Variants in JCAD observed in about 807,000 individuals in gnomAD.
JCAD encodes the protein junctional cadherin 5-associated protein.
A neutral mutation model predicts 98.0 loss-of-function variants in JCAD; 40 were observed. The ratio of observed to expected loss-of-function variants is 0.41; its 90% confidence interval spans 0.32 to 0.53. The LOEUF is 0.53. Among genes scored for constraint, JCAD ranks in the 20% least tolerant of loss-of-function variants. JCAD has a pLI of 0.31. For synonymous variants in JCAD, 691 were observed against 682.3 expected (o/e 1.01, Z -0.20); for missense variants, 1,705 against 1,738.1 (o/e 0.98, Z 0.34).
chr10:30,081,133 C>A (rs887133218), intron 1 of JCAD, among the ~76,000 whole-genome samples: 1 of 152,178 alleles, frequency 6.6e-6, no homozygotes, highest in Non-Finnish European at 1.5e-5. Context: ...TGAGGTTAAG[C>A]TTAAAAGGCA....
intron 1 of JCAD, among the ~76,000 whole-genome samples, chr10:30,084,024 A>G (rs1838127582): frequency 6.6e-6 from 1 of 151,898 alleles, no homozygotes; most frequent in Non-Finnish European, 1.5e-5. Flanking sequence ...AAAAAAAGAA[A>G]GAAAGAGAGA....
At chr10:30,094,428 TGACAGA>T (rs2132700460) in intron 1 of JCAD, among the ~76,000 whole-genome samples, 1 of 151,924 alleles carries the variant, frequency 6.6e-6, no homozygotes, top group South Asian at 2.1e-4. Flanking sequence ...CCAGCCTGGG[TGACAGA>T]GACAGACTCC....
chr10:30,062,258 A>G (rs1283885745), upstream of JCAD, among the ~76,000 whole-genome samples: 1 of 152,190 alleles, frequency 6.6e-6, no homozygotes. Flanking sequence ...TGACTTCACA[A>G]TTTCAAGATG....
At chr10:30,088,398 G>A (rs766042482) in intron 1 of JCAD, among the ~76,000 whole-genome samples, 50 of 152,254 alleles carry the variant, frequency 3.3e-4, no homozygotes, top group Non-Finnish European at 5.0e-4. Flanking sequence ...CTCAGCCAAA[G>A]CTGTAGGAGT....
intron 1 of JCAD, among the ~76,000 whole-genome samples, chr10:30,113,804 C>T (rs1485092392): frequency 2.0e-5 from 3 of 152,146 alleles, no homozygotes; most frequent in African/African-American, 7.2e-5. Flanking sequence ...ACTGCTCCTC[C>T]TGGCCATTTG....
intron 2 of JCAD, among the ~76,000 whole-genome samples, chr10:30,039,557 G>C (rs1837199590): frequency 6.6e-6 from 1 of 152,224 alleles, no homozygotes. Context: ...AAAAGGTATA[G>C]ATGGAGAAAA....
At position 30,027,078 on chromosome 10, in the gene JCAD, T is replaced by G; in HGVS notation, c.3070A>C (p.Ser1024Arg). ...PSEAVPRKFD[S>R]GGERGAGLPL... Reference sequence around the variant, plus strand: ...AGCCCTGCCCCCCTCTCTCCACCACTGTCAAACTTCCGAGGGACCGCTTCA... The same window carrying G: ...AGCCCTGCCCCCCTCTCTCCACCACGGTCAAACTTCCGAGGGACCGCTTCA... The change falls in exon 3 of 4, where the codon AGT (serine) becomes CGT (arginine). Residue 1024 changes from serine (S) to arginine (R), a missense_variant. This residue lies in a region of JCAD where 1,278 missense variants were observed against 1,243.1 expected (regional missense o/e 1.03). Transcript: ENST00000375377. 6.2e-7 allele frequency: 1 copy of G among 1,614,224 alleles called. No individual in the cohort carries two copies.
At chr10:30,097,753 A>G (rs1463987169) in intron 1 of JCAD, among the ~76,000 whole-genome samples, 1 of 152,022 alleles carries the variant, frequency 6.6e-6, no homozygotes, top group African/African-American at 2.4e-5. Context: ...ACAGATGGAA[A>G]CTCCGTCTCA....
upstream of JCAD, among the ~76,000 whole-genome samples, chr10:30,062,649 G>A (rs187556129): frequency 2.2e-4 from 34 of 152,280 alleles, no homozygotes; most frequent in African/African-American, 7.0e-4. Context: ...TCACAATCAC[G>A]GTGGAAGGCA....
rs1484248075 is a variant in JCAD, at chr10:30,059,201, C to T, written c.-60+281G>A. Among the ~76,000 whole-genome samples the T allele has an allele frequency of 6.6e-6, 1 of 151,644 alleles. No individual in the cohort carries two copies. Among genetic ancestry groups the T allele is most frequent in the Non-Finnish European group, 1.5e-5 (1 of 67,852 alleles). The stretch of plus-strand genomic sequence containing the variant: ...CCCGCGGTGCCCGCCCCGGGACCCC[C>T]GCGCTCCGAGCGGGGCACCTGAGGG... On this transcript the variant is annotated intron_variant, in intron 1 of 3. Coordinates refer to ENST00000375377, the MANE Select transcript of JCAD (RefSeq NM_020848.4). The surrounding 1 kb of genome is among the most constrained non-coding windows in gnomAD (Gnocchi z 5.0).
At chr10:30,109,716 G>A (rs1838653880) in intron 1 of JCAD, among the ~76,000 whole-genome samples, 1 of 152,106 alleles carries the variant, frequency 6.6e-6, no homozygotes, top group African/African-American at 2.4e-5. Context: ...GGCGGGATGT[G>A]GGGAGGATAA....
intron 1 of JCAD, among the ~76,000 whole-genome samples, chr10:30,097,438 C>T (rs1214766588): frequency 2.6e-5 from 4 of 152,136 alleles, no homozygotes; most frequent in African/African-American, 7.2e-5. Flanking sequence ...TACAGCATAT[C>T]AGATGCATCC....
intron 1 of JCAD, among the ~76,000 whole-genome samples, chr10:30,084,436 T>G (rs917328768): frequency 2.0e-5 from 3 of 152,220 alleles, no homozygotes; most frequent in Non-Finnish European, 2.9e-5. Flanking sequence ...TTGAATGAGC[T>G]GAACATTTAA....
chr10:30,054,104 T>C (rs1168944848), intron 1 of JCAD, among the ~76,000 whole-genome samples: 2 of 152,196 alleles, frequency 1.3e-5, no homozygotes, highest in African/African-American at 4.8e-5. Context: ...ATAATATGTA[T>C]ACACATACAT....
intron 1 of JCAD, among the ~76,000 whole-genome samples, chr10:30,073,639 G>A (rs1226338320): frequency 7.1e-6 from 1 of 141,068 alleles, no homozygotes; most frequent in East Asian, 2.1e-4. Context: ...GGACAGGATA[G>A]CAAGATTGTC....
rs1836866803 is a variant in JCAD, at chr10:30,027,792, C to T, written c.2356G>A (p.Val786Met). The T allele has an allele frequency of 4.3e-6, 7 of 1,614,246 alleles. No individual in the cohort carries two copies. The highest frequency in any genetic ancestry group is 3.3e-5 in the South Asian group (3 of 91,090). Reference protein sequence around the residue: ...TPKAGRSQPCVDVHGLGAHPG... With the variant: ...TPKAGRSQPCMDVHGLGAHPG... The stretch of plus-strand genomic sequence containing the variant: ...TGGGCTCCAAGCCCGTGGACATCCA[C>T]GCAGGGCTGACTTCGGCCTGCTTTT... The change falls in exon 3 of 4, where the codon GTG (valine) becomes ATG (methionine). Residue 786 changes from valine to methionine, a missense_variant. This residue lies in a region of JCAD where 1,278 missense variants were observed against 1,243.1 expected (regional missense o/e 1.03). Transcript: ENST00000375377.
chr10:30,028,695 C>T lies in JCAD; in HGVS notation c.1453G>A (p.Gly485Arg). 2 of 1,610,360 alleles carry T rather than the reference C, an allele frequency of 1.2e-6. No homozygotes were observed. Among genetic ancestry groups the T allele is most frequent in the Non-Finnish European group, 1.7e-6 (2 of 1,177,902 alleles). The part of the protein sequence containing the change: ...WNPQSLIPPS[G>R]DERGLVLADS... ...GCCAAGACCAGGCCTCTCTCATCCC[C>T]CGACGGGGGTATTAAGCTCTGTGGA... The change falls in exon 3 of 4, where the codon GGG (glycine) becomes AGG (arginine). Residue 485 changes from glycine (G) to arginine (R), a missense_variant. By Grantham distance (125) the Gly-to-Arg change is moderately radical. Transcript: ENST00000375377.
chr10:30,028,671 C>A lies in JCAD; in HGVS notation c.1477G>T (p.Ala493Ser), dbSNP rs1317610325. The A allele has an allele frequency of 3.1e-6, 5 of 1,605,822 alleles. No individual in the cohort carries two copies. In the East Asian group the frequency reaches 1.1e-4, roughly 36 times the overall value. Residue 493 changes from alanine to serine, a missense_variant, in exon 3 of 4, where the codon GCC (alanine) becomes TCC (serine). Physicochemically the swap from Ala to Ser is moderately conservative, Grantham distance 99 (BLOSUM62 1). This residue lies in a region of JCAD where 1,278 missense variants were observed against 1,243.1 expected (regional missense o/e 1.03). Coordinates refer to ENST00000375377, the MANE Select transcript of JCAD (RefSeq NM_020848.4). The stretch of plus-strand genomic sequence containing the variant: ...CACAGCCACCGGGGGCTGGAATCGG[C>A]CAAGACCAGGCCTCTCTCATCCCCC... The part of the protein sequence containing the change: ...PSGDERGLVL[A>S]DSSPRWLWGQ...
intron 1 of JCAD, among the ~76,000 whole-genome samples, chr10:30,083,466 A>G (rs1838119210): frequency 6.6e-6 from 1 of 152,260 alleles, no homozygotes; most frequent in Non-Finnish European, 1.5e-5. Flanking sequence ...AGATCTTTAA[A>G]CAACATATTG....
Sources: allele counts gnomAD v4.1 joint callset (sites outside exome capture counted in the v4.1 genomes callset), GRCh38; gene constraint gnomAD v4.1.1; regional missense constraint gnomAD v4.1.1; non-coding constraint Gnocchi (gnomAD v3.1); transcripts MANE v1.5; gene names NCBI Gene and HGNC (gene_info 2026-07-23, HGNC 2026-07-21).